Variants in AGBL1 observed in about 807,000 individuals in gnomAD.
The protein encoded by AGBL1 is AGBL carboxypeptidase 1.
AGBL1 carries 130 observed loss-of-function variants against 118.9 expected under a neutral mutation model. That is an observed-to-expected ratio of 1.09 (90% CI 0.95 to 1.26). AGBL1 has a LOEUF of 1.26. AGBL1 is among the 50% of genes most tolerant of loss of function. The probability of loss-of-function intolerance (pLI) is 0.00; values close to 1 mark genes in which losing one functional copy is unlikely to be tolerated. For missense variants in AGBL1, 1,584 were observed against 1,298.1 expected (o/e 1.22, Z -3.38); for synonymous variants, 555 against 478.9 (o/e 1.16, Z -2.08).
intron 13 of AGBL1, 109 bp from the exon 14 acceptor site, chr15:86,269,810 C>A: frequency 7.9e-7 from 1 of 1,265,412 alleles, no homozygotes; most frequent in Non-Finnish European, 1.1e-6. Context: ...GGCTGAGATC[C>A]TGGGTCTTAG....
intron 22 of AGBL1, among the ~76,000 whole-genome samples, chr15:86,782,995 A>G (rs1395536172): frequency 1.3e-5 from 2 of 152,128 alleles, no homozygotes; most frequent in Admixed American, 6.5e-5. Flanking sequence ...GTTTTAAGTG[A>G]TGTTTCATCT....
chr15:86,139,251 C>G (rs569084955), intron 1 of AGBL1, among the ~76,000 whole-genome samples: 1 of 152,008 alleles, frequency 6.6e-6, no homozygotes, highest in Admixed American at 6.5e-5. Context: ...CTAGGGATCC[C>G]TAGGAGACTC....
chr15:86,866,940 G>T (rs1012217069), intron 22 of AGBL1, among the ~76,000 whole-genome samples: 1 of 152,182 alleles, frequency 6.6e-6, no homozygotes, highest in African/African-American at 2.4e-5. Context: ...TGCAAGAATG[G>T]ATTGAAGTTA....
At chr15:86,862,199 C>T (rs777793855) in intron 22 of AGBL1, among the ~76,000 whole-genome samples, 2 of 152,118 alleles carry the variant, frequency 1.3e-5, no homozygotes, top group Non-Finnish European at 2.9e-5. Flanking sequence ...AGGAATGTTA[C>T]TTATAGGTCA....
At chr15:86,279,893 T>G in intron 16 of AGBL1, 110 bp downstream of exon 16, 3 of 1,384,516 alleles carry the variant, frequency 2.2e-6, no homozygotes, top group South Asian at 2.6e-5. Context: ...GAGGGGAATG[T>G]AGGGGAACTA....
At chr15:86,199,525 C>T (rs1178548809) in intron 5 of AGBL1, among the ~76,000 whole-genome samples, 2 of 152,148 alleles carry the variant, frequency 1.3e-5, no homozygotes, top group Non-Finnish European at 2.9e-5. Flanking sequence ...CTGGATGGTC[C>T]CCGTCTGGTC....
intron 22 of AGBL1, among the ~76,000 whole-genome samples, chr15:86,774,601 G>A (rs1384920501): frequency 6.6e-6 from 1 of 151,808 alleles, no homozygotes; most frequent in Non-Finnish European, 1.5e-5. Context: ...AGGGCAGGAA[G>A]CTCTAAGTAC....
chr15:86,445,401 C>T (rs1596124057), intron 18 of AGBL1, among the ~76,000 whole-genome samples: 1 of 152,222 alleles, frequency 6.6e-6, no homozygotes, highest in Non-Finnish European at 1.5e-5. Flanking sequence ...GCAGGAGCAG[C>T]CCTCAGTGAA....
chr15:86,147,646 T>C lies in AGBL1; in HGVS notation c.262+3801T>C, dbSNP rs150536631. ...GAGCCCACCATAGCTCTTCAAGGCCTACTGCCTCTAGACTCCACTTCTATC... is the reference window on the plus strand; with the variant it reads ...GAGCCCACCATAGCTCTTCAAGGCCCACTGCCTCTAGACTCCACTTCTATC... On this transcript the variant is annotated intron_variant, in intron 3 of 22. Coordinates refer to ENST00000614907, the MANE Select transcript of AGBL1 (RefSeq NM_001386094.1). Among the ~76,000 whole-genome samples the C allele has an allele frequency of 4.6e-3, 705 of 152,310 alleles. 5 individuals are homozygous for C. Among genetic ancestry groups the C allele is most frequent in the African/African-American group, 0.016 (679 of 41,570 alleles).
At position 86,830,208 on chromosome 15, in the gene AGBL1, A is replaced by G. The variant is rs537013523; in HGVS notation, c.3159-76879A>G. Among the ~76,000 whole-genome samples the G allele has an allele frequency of 1.4e-3, 219 of 152,282 alleles. 1 individual carries two copies. The highest frequency in any genetic ancestry group is 5.0e-3 in the African/African-American group (207 of 41,562). ...ACAATTTGATGAATTTTTTTTACCT[A>G]CACATTATACCCATGCAATCACCAT... On this transcript the variant is annotated intron_variant, in intron 22 of 22. Coordinates refer to ENST00000614907, the MANE Select transcript of AGBL1 (RefSeq NM_001386094.1).
chr15:86,561,685 G>A (rs1378987565), intron 21 of AGBL1, among the ~76,000 whole-genome samples: 10 of 152,154 alleles, frequency 6.6e-5, no homozygotes. Context: ...TTCCAATTCT[G>A]TGAAGAAAGT....
At chr15:86,676,647 T>C (rs747445511) in intron 22 of AGBL1, among the ~76,000 whole-genome samples, 1 of 152,138 alleles carries the variant, frequency 6.6e-6, no homozygotes, top group Non-Finnish European at 1.5e-5. Flanking sequence ...CTATGTATGT[T>C]TTAAAGAGGA....
chr15:86,261,665 A>G (rs1474914476), intron 9 of AGBL1, among the ~76,000 whole-genome samples: 1 of 152,078 alleles, frequency 6.6e-6, no homozygotes, highest in East Asian at 1.9e-4. Flanking sequence ...ATATGAAAAG[A>G]TGAAGAGACT....
chr15:86,702,632 T>G (rs2142650911), intron 22 of AGBL1, among the ~76,000 whole-genome samples: 1 of 152,290 alleles, frequency 6.6e-6, no homozygotes, highest in East Asian at 1.9e-4. Context: ...CCAGTCCTCA[T>G]TGCACTATCC....
At chr15:86,987,148 C>A (rs2081293171) in intron 23 of AGBL1, among the ~76,000 whole-genome samples, 1 of 152,082 alleles carries the variant, frequency 6.6e-6, no homozygotes, top group Admixed American at 6.6e-5. Flanking sequence ...CAGGAACAGA[C>A]CATTTAAATA....
intron 21 of AGBL1, among the ~76,000 whole-genome samples, chr15:86,643,936 C>G (rs2085232020): frequency 6.6e-6 from 1 of 152,082 alleles, no homozygotes; most frequent in Admixed American, 6.6e-5. Flanking sequence ...TATTTTTACT[C>G]TTACTTAATC....
chr15:86,903,710 A>G lies in AGBL1; in HGVS notation c.3159-3377A>G, dbSNP rs530071521. ...TGTTGGGTGGAAGTCTAGGTTCCCC[A>G]CTAGGCCTCCAGGGGCACCCAGTGT... On this transcript the variant is annotated intron_variant, in intron 22 of 22. Coordinates refer to ENST00000614907, the MANE Select transcript of AGBL1 (RefSeq NM_001386094.1). Among the ~76,000 whole-genome samples the G allele has an allele frequency of 2.0e-5, 3 of 152,350 alleles. No individual in the cohort carries two copies. In the South Asian group the frequency reaches 6.2e-4, roughly 32 times the overall value.
intron 22 of AGBL1, among the ~76,000 whole-genome samples, chr15:86,854,507 T>C (rs2079450622): frequency 6.6e-6 from 1 of 152,134 alleles, no homozygotes; most frequent in Non-Finnish European, 1.5e-5. Flanking sequence ...GCCAAAGGAT[T>C]ATGATGTTCA....
intron 19 of AGBL1, among the ~76,000 whole-genome samples, chr15:86,524,738 A>G (rs1197890883): frequency 6.6e-6 from 1 of 152,214 alleles, no homozygotes; most frequent in African/African-American, 2.4e-5. Context: ...AGAATATTCC[A>G]AGAGTGTGAA....
Sources: gnomAD v4.1 joint callset for allele counts (sites outside exome capture counted in the v4.1 genomes callset) on GRCh38, gnomAD v4.1.1 for gene constraint, MANE v1.5 for transcripts, NCBI Gene and HGNC (gene_info 2026-07-23, HGNC 2026-07-21) for gene names.